Variants in ADAMTS20 observed in about 807,000 individuals in gnomAD.
ADAMTS20 encodes A disintegrin and metalloproteinase with thrombospondin motifs 20.
ADAMTS20 carries 225 observed loss-of-function variants against 260.1 expected under a neutral mutation model. The ratio of observed to expected loss-of-function variants is 0.87; its 90% CI spans 0.78 to 0.97. The LOEUF is 0.97. ADAMTS20 is among the 50% of genes least tolerant of loss of function. The probability of loss-of-function intolerance (pLI) is 0.00; values close to 1 mark genes in which losing one functional copy is unlikely to be tolerated. For missense variants in ADAMTS20, 2,400 were observed against 2,337.7 expected (o/e 1.03, Z -0.55); for synonymous variants, 802 against 769.5 (o/e 1.04, Z -0.70).
chr12:43,432,452 C>G lies in ADAMTS20; in HGVS notation c.2948G>C (p.Gly983Ala), dbSNP rs1267449064. The change falls in exon 21 of 39, where the codon GGA becomes GCA. Residue 983 changes from glycine to alanine, a missense_variant. Gly to Ala is a moderately conservative substitution (Grantham distance 60). Coordinates refer to ENST00000389420, the MANE Select transcript of ADAMTS20 (RefSeq NM_025003.5). ...SEWSQCSRSC[G>A]GGERSRESYC... ...AGATTCTCGAGACCTTTCCCCTCCT[C>G]CACAACTCCTGGAACACTGATTAAA... 2 of 1,612,568 alleles carry G rather than the reference C, an allele frequency of 1.2e-6. No individual in the cohort carries two copies. The highest frequency in any genetic ancestry group is 1.7e-6 in the Non-Finnish European group (2 of 1,179,670).
intron 3 of ADAMTS20, among the ~76,000 whole-genome samples, chr12:43,506,155 C>CAAAAA (rs386376330): frequency 6.2e-3 from 599 of 96,554 alleles, no homozygotes; most frequent in East Asian, 0.029. Context: ...ACAACAACAA[C>CAAAAA]AACAAAGGAA....
chr12:43,514,136 T>C (rs1942964108), intron 3 of ADAMTS20, among the ~76,000 whole-genome samples: 1 of 149,640 alleles, frequency 6.7e-6, no homozygotes, highest in Non-Finnish European at 1.5e-5. Flanking sequence ...TGTAGCCCTC[T>C]GCATTTTCTT....
At chr12:43,370,032 C>G (rs1379344908) in intron 36 of ADAMTS20, among the ~76,000 whole-genome samples, 2 of 152,158 alleles carry the variant, frequency 1.3e-5, no homozygotes, top group Non-Finnish European at 2.9e-5. Context: ...ATCACCTATT[C>G]ATGTTTGAAT....
intron 11 of ADAMTS20, among the ~76,000 whole-genome samples, chr12:43,460,449 G>A (rs540966555): frequency 2.6e-5 from 4 of 152,090 alleles, no homozygotes; most frequent in South Asian, 4.2e-4. Context: ...ATCAAAAGTC[G>A]GCAAGAAATA....
At chr12:43,485,112 G>A (rs71443959) in intron 7 of ADAMTS20, among the ~76,000 whole-genome samples, 37,749 of 119,720 alleles carry the variant, frequency 0.32, 5,831 homozygotes, top group East Asian at 0.68. Context: ...AAAAAAAAAA[G>A]CAACAACAAC....
chr12:43,376,437 T>A, intron 33 of ADAMTS20, 87 bp downstream of exon 33: 3 of 1,473,720 alleles, frequency 2.0e-6, no homozygotes, highest in Non-Finnish European at 2.7e-6. Flanking sequence ...CTTTGTTTTG[T>A]GGAGTGTGAA....
intron 28 of ADAMTS20, among the ~76,000 whole-genome samples, chr12:43,415,124 T>C (rs1364275759): frequency 6.6e-6 from 1 of 152,190 alleles, no homozygotes; most frequent in Non-Finnish European, 1.5e-5. Flanking sequence ...ATTTTCTAAG[T>C]TCCATTCAAA....
chr12:43,405,229 C>CCAAAAAAAAAAAAAAAAAAAAAAAA lies in ADAMTS20; in HGVS notation c.4285-5997_4285-5996insTTTTTTTTTTTTTTTTTTTTTTTTG. On this transcript the variant is annotated intron_variant, in intron 28 of 38. Transcript: ENST00000389420. ...GTAACAAAATGAGACCTCATCTCTA[C>CCAAAAAAAAAAAAAAAAAAAAAAAA]AAAAAAAAAAAAAAAAAAAAAAAAA... 3.8e-5 allele frequency among the ~76,000 whole-genome samples: 2 copies of CCAAAAAAAAAAAAAAAAAAAAAAAA among 52,790 alleles called. 1 individual carries two copies. Among genetic ancestry groups the CCAAAAAAAAAAAAAAAAAAAAAAAA allele is most frequent in the Non-Finnish European group, 6.4e-5 (2 of 31,172 alleles). 34.6% of individuals were successfully genotyped at this position (52,790 alleles called of 152,430 possible).
At chr12:43,442,022 C>T (rs1941675226) in intron 16 of ADAMTS20, among the ~76,000 whole-genome samples, 1 of 152,016 alleles carries the variant, frequency 6.6e-6, no homozygotes, top group South Asian at 2.1e-4. Flanking sequence ...GTGGCTAGGT[C>T]TATTTAAGGG....
intron 29 of ADAMTS20, among the ~76,000 whole-genome samples, chr12:43,397,932 C>T (rs145197081): frequency 6.6e-6 from 1 of 152,160 alleles, no homozygotes; most frequent in African/African-American, 2.4e-5. Context: ...CATAATTCCA[C>T]TCCAAAGCTG....
intron 37 of ADAMTS20, among the ~76,000 whole-genome samples, chr12:43,363,519 G>C (rs1230243215): frequency 6.6e-6 from 1 of 152,172 alleles, no homozygotes; most frequent in African/African-American, 2.4e-5. Context: ...TCTATTTATT[G>C]AGCAGGGGTG....
chr12:43,440,629 T>C lies in ADAMTS20; in HGVS notation c.2291-560A>G, dbSNP rs561031403. 3.3e-5 allele frequency among the ~76,000 whole-genome samples: 5 copies of C among 152,284 alleles called. No individual in the cohort carries two copies. In the East Asian group the frequency reaches 9.7e-4, roughly 29 times the overall value. ...CTCTATACTTTTCTATCTCAGATGGTCATCTTCTTTCATGATGTATGTAGC... is the reference window on the plus strand; with the variant it reads ...CTCTATACTTTTCTATCTCAGATGGCCATCTTCTTTCATGATGTATGTAGC... On this transcript the variant is annotated intron_variant, in intron 16 of 38. Transcript: ENST00000389420.
At chr12:43,530,208 T>C (rs1339568880) in intron 3 of ADAMTS20, among the ~76,000 whole-genome samples, 2 of 152,204 alleles carry the variant, frequency 1.3e-5, no homozygotes, top group Non-Finnish European at 2.9e-5. Context: ...TGAATTATAT[T>C]CTTGCTTGTG....
chr12:43,369,087 T>C (rs1940046719), intron 37 of ADAMTS20, among the ~76,000 whole-genome samples: 1 of 152,134 alleles, frequency 6.6e-6, no homozygotes, highest in Non-Finnish European at 1.5e-5. Context: ...AAATTATTGT[T>C]ATGCCTTTTA....
intron 19 of ADAMTS20, chr12:43,433,679 C>T (rs928985018): frequency 8.4e-5 from 29 of 344,456 alleles, no homozygotes; most frequent in Admixed American, 1.9e-4. Context: ...AGACCAATCA[C>T]GCACACACAC....
intron 36 of ADAMTS20, among the ~76,000 whole-genome samples, chr12:43,372,834 G>T (rs999843180): frequency 6.6e-6 from 1 of 152,196 alleles, no homozygotes; most frequent in African/African-American, 2.4e-5. Context: ...GGTAGATGTG[G>T]CAGTGGGAAC....
At chr12:43,469,457 G>A (rs1364432507) in intron 7 of ADAMTS20, among the ~76,000 whole-genome samples, 7 of 151,988 alleles carry the variant, frequency 4.6e-5, no homozygotes, top group Non-Finnish European at 8.8e-5. Context: ...TATAGGATAA[G>A]AAACTCAAAA....
At position 43,551,012 on chromosome 12, in the gene ADAMTS20, C is replaced by T; in HGVS notation, c.350G>A (p.Trp117Ter). ...GTCCGAGGGCCCTGCGTCGCTCTCC[C>T]AGGCCCCGCGCTCCGGGGTTCCCAA... ...VHLGTPERGAWESDAGPSDLR... is the reference protein window; with the variant it reads ...VHLGTPERGA Residue 117 changes from tryptophan to a stop codon, truncating the protein, a stop_gained, in exon 2 of 39, where the codon TGG becomes TAG. Coordinates refer to ENST00000389420, the MANE Select transcript of ADAMTS20 (RefSeq NM_025003.5). LOFTEE classifies it high-confidence loss of function. This position sits in a 1 kb window ranked among gnomAD's most constrained non-coding sequence, Gnocchi z 4.6. The T allele has an allele frequency of 1.2e-6, 2 of 1,613,652 alleles. No homozygotes were observed. Among genetic ancestry groups the T allele is most frequent in the Non-Finnish European group, 1.7e-6 (2 of 1,179,736 alleles).
At chr12:43,375,255 A>G in intron 36 of ADAMTS20, 124 bp downstream of exon 36, 1 of 956,238 alleles carries the variant, frequency 1.0e-6, no homozygotes, top group Non-Finnish European at 1.5e-6. Context: ...TAAAAAAAGT[A>G]AGTAATTTTT....
Sources: gnomAD v4.1 joint callset for allele counts (sites outside exome capture counted in the v4.1 genomes callset) on GRCh38, gnomAD v4.1.1 for gene constraint, Gnocchi (gnomAD v3.1) non-coding constraint, MANE v1.5 for transcripts, NCBI Gene and HGNC (gene_info 2026-07-23, HGNC 2026-07-21) for gene names.